AFF3: variants seen among roughly 807,000 people sequenced by gnomAD.
The protein encoded by AFF3 is AF4/FMR2 family member 3.
In AFF3, 32 loss-of-function variants were observed where a neutral mutation model predicts 129.7. The ratio of observed to expected loss-of-function variants is 0.25; its 90% CI spans 0.19 to 0.33. The LOEUF (loss-of-function observed/expected upper bound fraction) is 0.33, where lower values mean the gene tolerates loss of function less well. Among genes scored for constraint, AFF3 ranks in the 10% least tolerant of loss-of-function variants. The pLI is 1.00. For missense variants in AFF3, 1,373 were observed against 1,592.0 expected (o/e 0.86, Z 2.34); for synonymous variants, 644 against 635.4 (o/e 1.01, Z -0.20).
At chr2:99,700,337 T>A (rs560165781) in intron 11 of AFF3, among the ~76,000 whole-genome samples, 6 of 152,310 alleles carry the variant, frequency 3.9e-5, no homozygotes, top group Non-Finnish European at 5.9e-5. Flanking sequence ...GCCAGGCTGG[T>A]CTTGAACTCC....
At chr2:99,638,755 AC>A (rs33997441) in intron 13 of AFF3, among the ~76,000 whole-genome samples, 1 of 151,908 alleles carries the variant, frequency 6.6e-6, no homozygotes, top group Non-Finnish European at 1.5e-5. Context: ...GTTTGCTCTT[AC>A]CCCCCACCGC....
intron 12 of AFF3, among the ~76,000 whole-genome samples, chr2:99,660,905 C>T (rs559070679): frequency 1.6e-4 from 25 of 152,194 alleles, no homozygotes; most frequent in Non-Finnish European, 3.2e-4. Flanking sequence ...GTAGAAACAA[C>T]AGGCTAAGAG....
chr2:99,690,691 C>A (rs186881741), intron 11 of AFF3, among the ~76,000 whole-genome samples: 2 of 151,826 alleles, frequency 1.3e-5, no homozygotes, highest in Admixed American at 6.6e-5. Context: ...AATCCATGTA[C>A]GACTTTTTAG....
intron 13 of AFF3, among the ~76,000 whole-genome samples, chr2:99,643,685 G>A (rs922939812): frequency 1.3e-5 from 2 of 152,128 alleles, no homozygotes; most frequent in South Asian, 2.1e-4. Context: ...CAAGGGGTCA[G>A]GAAGATGAAG....
intron 7 of AFF3, among the ~76,000 whole-genome samples, chr2:99,997,799 C>T (rs999891828): frequency 1.3e-5 from 2 of 152,206 alleles, no homozygotes; most frequent in African/African-American, 4.8e-5. Flanking sequence ...GCTTTCCATC[C>T]TACTCCACCT....
intron 4 of AFF3, among the ~76,000 whole-genome samples, chr2:100,050,167 C>A (rs1686175677): frequency 6.6e-6 from 1 of 151,600 alleles, no homozygotes; most frequent in South Asian, 2.1e-4. Context: ...CACTGCACTC[C>A]AGCCTGGGTG....
intron 11 of AFF3, among the ~76,000 whole-genome samples, chr2:99,697,071 G>A (rs1013956754): frequency 6.6e-6 from 1 of 152,152 alleles, no homozygotes; most frequent in African/African-American, 2.4e-5. Context: ...CGTTTTGAAG[G>A]CATCAAGTCT....
At chr2:100,115,364 A>G (rs1004877225) in intron 2 of AFF3, among the ~76,000 whole-genome samples, 7 of 152,134 alleles carry the variant, frequency 4.6e-5, no homozygotes, top group Non-Finnish European at 1.0e-4. Flanking sequence ...TTTGGCCAAC[A>G]TGGTGAAACC....
intron 7 of AFF3, among the ~76,000 whole-genome samples, chr2:99,889,961 G>GA (rs762577408): frequency 6.6e-6 from 1 of 152,192 alleles, no homozygotes; most frequent in Non-Finnish European, 1.5e-5. Flanking sequence ...CATCCAGCCT[G>GA]AAAGTTAGAC....
In AFF3 at chr2:100,048,398, G is replaced by A. The variant is rs531319641; in HGVS notation, c.54-39466C>T. On this transcript the variant is annotated intron_variant, in intron 4 of 24. Transcript: ENST00000672756. ...TAGGTTTATAGTGGAGCAGCTCTCC[G>A]TGACTCTGAAATTTGCTTAAAATGG... Among the ~76,000 whole-genome samples, 6 of 152,308 alleles carry A rather than the reference G, an allele frequency of 3.9e-5. No individual in the cohort carries two copies. In the East Asian group the frequency reaches 5.8e-4, roughly 15 times the overall value.
intron 11 of AFF3, among the ~76,000 whole-genome samples, chr2:99,710,870 C>G (rs1332917509): frequency 2.0e-5 from 3 of 152,186 alleles, no homozygotes; most frequent in African/African-American, 7.2e-5. Flanking sequence ...ATACACTCTG[C>G]CAACAGCAGA....
chr2:99,555,969 CT>C (rs1674879804), intron 22 of AFF3, among the ~76,000 whole-genome samples: 1 of 152,200 alleles, frequency 6.6e-6, no homozygotes, highest in African/African-American at 2.4e-5. Context: ...CTTATCCTCC[CT>C]TTCTTGACAC....
chr2:99,901,889 A>C (rs1342539848), intron 7 of AFF3, among the ~76,000 whole-genome samples: 1 of 152,018 alleles, frequency 6.6e-6, no homozygotes, highest in East Asian at 1.9e-4. Flanking sequence ...ACAGCTAAGA[A>C]GGCATTTCAT....
chr2:99,607,263 T>C (rs1680458066), intron 13 of AFF3, among the ~76,000 whole-genome samples: 2 of 152,158 alleles, frequency 1.3e-5, no homozygotes, highest in African/African-American at 4.8e-5. Context: ...CTGGGTGCAG[T>C]GGCTCACGCC....
intron 7 of AFF3, among the ~76,000 whole-genome samples, chr2:99,899,639 C>T (rs1044218183): frequency 6.6e-6 from 1 of 152,160 alleles, no homozygotes; most frequent in Non-Finnish European, 1.5e-5. Context: ...GCTACCTGAA[C>T]GCCACACAAT....
intron 8 of AFF3, 41 bp from the exon 9 acceptor site, chr2:99,752,342 C>T (rs553588268): frequency 1.3e-6 from 2 of 1,553,272 alleles, no homozygotes; most frequent in African/African-American, 1.4e-5. Flanking sequence ...GTGATACAGA[C>T]AGTATTTAAA....
At chr2:99,736,783 T>C (rs1024513378) in intron 10 of AFF3, among the ~76,000 whole-genome samples, 5 of 151,764 alleles carry the variant, frequency 3.3e-5, no homozygotes, top group Admixed American at 2.6e-4. Flanking sequence ...CTAATTTTTG[T>C]ATTTTTAGTA....
intron 10 of AFF3, among the ~76,000 whole-genome samples, chr2:99,737,126 C>T (rs11682978): frequency 0.72 from 110,160 of 152,010 alleles, 41,088 homozygotes; most frequent in East Asian, 0.92. Context: ...TTTATCAAAG[C>T]CCAAAGTTAA....
At position 99,665,362 on chromosome 2, in the gene AFF3, T is replaced by C. The variant is rs141946467; in HGVS notation, c.1143+7176A>G. On this transcript the variant is annotated intron_variant, in intron 12 of 24. Transcript: ENST00000672756. ...AAGAGGTAGATGGACCAATATTTAA[T>C]TTTGGAGGCTGAGTTTATAGGACTT... 2.0e-5 allele frequency among the ~76,000 whole-genome samples: 3 copies of C among 152,306 alleles called. No homozygotes were observed. In the East Asian group the frequency reaches 5.8e-4, roughly 29 times the overall value.
Sources: gnomAD v4.1 joint callset for allele counts (sites outside exome capture counted in the v4.1 genomes callset) on GRCh38, gnomAD v4.1.1 for gene constraint, MANE v1.5 for transcripts, NCBI Gene and HGNC (gene_info 2026-07-23, HGNC 2026-07-21) for gene names.